The following FAM167A variants were observed in gnomAD, a reference collection of about 807,000 sequenced individuals.
FAM167A encodes the protein family with sequence similarity 167 member A.
A neutral mutation model predicts 14.9 loss-of-function variants in FAM167A; 23 were observed. That is an observed-to-expected ratio of 1.55 (90% CI 1.11 to 2.19). The LOEUF (loss-of-function observed/expected upper bound fraction) is 2.19, where lower values mean the gene tolerates loss of function less well. Among genes scored for constraint, FAM167A ranks in the 30% most tolerant of loss-of-function variants. FAM167A has a pLI of 0.00. For missense variants in FAM167A, 401 were observed against 281.5 expected, an observed-to-expected ratio of 1.42 and a Z score of -3.04; for synonymous variants, 174 against 117.7, an observed-to-expected ratio of 1.48 and a Z score of -3.10.
intron 2 of FAM167A, among the ~76,000 whole-genome samples, chr8:11,441,988 G>C (rs1806468287): frequency 6.6e-6 from 1 of 152,244 alleles, no homozygotes; most frequent in Non-Finnish European, 1.5e-5. Context: ...GGTGGCACAG[G>C]GAAGTGGCTA....
chr8:11,474,355 CT>C (rs1208010024), intron 1 of FAM167A, among the ~76,000 whole-genome samples: 1 of 152,206 alleles, frequency 6.6e-6, no homozygotes, highest in African/African-American at 2.4e-5. Flanking sequence ...TGAGGTAGCC[CT>C]GTTTGGAACC....
intron 1 of FAM167A, among the ~76,000 whole-genome samples, chr8:11,472,986 G>A (rs7007575): frequency 4.2e-4 from 64 of 152,260 alleles, no homozygotes; most frequent in South Asian, 2.3e-3. Flanking sequence ...TTGAGGCTGG[G>A]ATGAGAGCCA....
At chr8:11,428,166 G>A (rs1228874632) in intron 2 of FAM167A, among the ~76,000 whole-genome samples, 2 of 152,338 alleles carry the variant, frequency 1.3e-5, no homozygotes, top group African/African-American at 2.4e-5. Flanking sequence ...GGTGTGAAAA[G>A]ATCCTTTGAA....
chr8:11,452,597 C>T (rs1292436793), intron 1 of FAM167A, among the ~76,000 whole-genome samples: 1 of 152,214 alleles, frequency 6.6e-6, no homozygotes, highest in African/African-American at 2.4e-5. Context: ...CATCAGCCTC[C>T]ACCCCACGAG....
At chr8:11,438,432 C>T in intron 2 of FAM167A, 1 of 455,422 alleles carries the variant, frequency 2.2e-6, no homozygotes, top group Non-Finnish European at 4.4e-6. Context: ...TTATTTTATT[C>T]TAGGAGATTC....
At chr8:11,436,537 A>AGCAGGGGCTGTCTCCCTGCTCCG (rs2117046224) in intron 2 of FAM167A, among the ~76,000 whole-genome samples, 1 of 152,282 alleles carries the variant, frequency 6.6e-6, no homozygotes, top group Non-Finnish European at 1.5e-5. Flanking sequence ...GACACCCCCT[A>AGCAGGGGCTGTCTCCCTGCTCCG]GCAGGGGCTG....
chr8:11,454,865 G>A (rs947449149), intron 1 of FAM167A, among the ~76,000 whole-genome samples: 2 of 152,158 alleles, frequency 1.3e-5, no homozygotes, highest in African/African-American at 2.4e-5. Flanking sequence ...CGAGAGGACA[G>A]GGACACAGCC....
rs1404339732 is a variant in FAM167A at position 11,423,457 on chromosome 8, TG to T, written c.*915del. The T allele has an allele frequency of 3.9e-5, 6 of 152,744 alleles. No individual in the cohort carries two copies. Among genetic ancestry groups the T allele is most frequent in the African/African-American group, 1.4e-4 (6 of 41,578 alleles). The allele number at this position is 152,744 out of a possible 1,614,324, so 9.5% of individuals were successfully genotyped here. A position where few individuals can be genotyped will look rare whatever the true frequency, so the allele number is the denominator to read the frequency against. ...TCAGAGGAGGCTCAGGATGGGCCTC[TG>T]GGCTCCCTAGATTGTCTTTCCAGAG... On this transcript the variant is annotated 3_prime_UTR_variant, in exon 3 of 3. Transcript: ENST00000284486.
Position 11,444,375 on chromosome 8 carries a change from C to A in FAM167A, c.37G>T (p.Ala13Ser). 6.3e-7 allele frequency: 1 copy of A among 1,574,850 alleles called. No individual in the cohort carries two copies. Among genetic ancestry groups the A allele is most frequent in the Non-Finnish European group, 8.6e-7 (1 of 1,160,648 alleles). Residue 13 changes from alanine (A) to serine (S), a missense_variant, in exon 2 of 3, where the codon GCA becomes TCA. Transcript: ENST00000284486. ...VPQIHVEEVG[A>S]EEGAGAAAPP... ...GCGGCTGCTCCCGCCCCCTCTTCTGCACCCACTTCTTCCACGTGGATCTGG... is the reference window on the plus strand; with the variant it reads ...GCGGCTGCTCCCGCCCCCTCTTCTGAACCCACTTCTTCCACGTGGATCTGG...
intron 1 of FAM167A, among the ~76,000 whole-genome samples, chr8:11,451,260 G>A (rs1360954798): frequency 6.6e-6 from 1 of 152,232 alleles, no homozygotes; most frequent in African/African-American, 2.4e-5. Flanking sequence ...AAGCCAAGCC[G>A]ACAGTGTGGC....
Position 11,421,937 on chromosome 8 carries a change from C to T in FAM167A, c.*2436G>A, listed in dbSNP as rs1585216330. On this transcript the variant is annotated 3_prime_UTR_variant, in exon 3 of 3. Transcript: ENST00000284486. Reference sequence around the variant, plus strand: ...AATGTGGTTAGTTGTGTTCACTGTGCAAAGTAAGGAAGCCAGTCAACACTG... The same window carrying T: ...AATGTGGTTAGTTGTGTTCACTGTGTAAAGTAAGGAAGCCAGTCAACACTG... The T allele has an allele frequency of 2.5e-6, 1 of 397,950 alleles. No individual in the cohort carries two copies. Among genetic ancestry groups the T allele is most frequent in the Admixed American group, 4.4e-5 (1 of 22,726 alleles). 24.7% of individuals were successfully genotyped at this position (397,950 alleles called of 1,614,324 possible).
chr8:11,475,180 C>T (rs1246342550), intron 1 of FAM167A, among the ~76,000 whole-genome samples: 1 of 152,168 alleles, frequency 6.6e-6, no homozygotes. Context: ...ACCGTGGTGC[C>T]CCCACCTTAG....
At chr8:11,466,783 T>TC (rs1028736332), upstream of FAM167A, 1 of 151,238 alleles carries the variant, frequency 6.6e-6, no homozygotes, top group African/African-American at 2.4e-5. Flanking sequence ...AGGACTTTTT[T>TC]TTTCCCCCTG....
intron 1 of FAM167A, among the ~76,000 whole-genome samples, chr8:11,452,198 T>C (rs553102736): frequency 6.6e-6 from 1 of 152,246 alleles, no homozygotes; most frequent in African/African-American, 2.4e-5. Flanking sequence ...ACATGCAGAG[T>C]TGACTTGTCT....
At chr8:11,469,199 A>T (rs77487164), upstream of FAM167A, among the ~76,000 whole-genome samples, 21,444 of 152,232 alleles carry the variant, frequency 0.14, 2,015 homozygotes, top group Non-Finnish European at 0.22. Context: ...GCATGGAAAA[A>T]AGATTGGAAG....
chr8:11,442,397 G>A (rs949844288), intron 2 of FAM167A, among the ~76,000 whole-genome samples: 6 of 152,050 alleles, frequency 3.9e-5, no homozygotes, highest in African/African-American at 7.3e-5. Context: ...AGGTGGTTAC[G>A]GTACACGCCA....
At chr8:11,428,357 C>A (rs1446836860) in intron 2 of FAM167A, among the ~76,000 whole-genome samples, 1 of 152,236 alleles carries the variant, frequency 6.6e-6, no homozygotes, top group Non-Finnish European at 1.5e-5. Flanking sequence ...AGAAAGAGGG[C>A]TGACAGTAAG....
chr8:11,455,026 T>C (rs1807173603), intron 1 of FAM167A, among the ~76,000 whole-genome samples: 1 of 152,184 alleles, frequency 6.6e-6, no homozygotes. Context: ...ATTCCAAGCC[T>C]TGGTCAGAGC....
chr8:11,459,406 T>C (rs1354826644), intron 1 of FAM167A, among the ~76,000 whole-genome samples: 1 of 152,234 alleles, frequency 6.6e-6, no homozygotes, highest in Non-Finnish European at 1.5e-5. Context: ...AAGTCCAGTG[T>C]TCCTAGAAAC....
Sources: gnomAD v4.1 joint callset for allele counts (sites outside exome capture counted in the v4.1 genomes callset) on GRCh38, gnomAD v4.1.1 for gene constraint, MANE v1.5 for transcripts, NCBI Gene and HGNC (gene_info 2026-07-23, HGNC 2026-07-21) for gene names.